The following NOTCH2 variants were observed in gnomAD, a reference collection of about 807,000 sequenced individuals.
NOTCH2 encodes neurogenic locus notch homolog protein 2.
NOTCH2 carries 29 observed loss-of-function variants against 235.8 expected under a neutral mutation model. That is an observed-to-expected ratio of 0.12 (90% CI 0.09 to 0.17). The LOEUF is 0.17. Ranked by LOEUF, NOTCH2 falls within the 10% of genes least tolerant of loss-of-function variation. NOTCH2 has a pLI of 1.00. For missense variants in NOTCH2, 2,285 were observed against 3,150.2 expected, an observed-to-expected ratio of 0.73 and a Z score of 6.57; for synonymous variants, 1,086 against 1,141.5, an observed-to-expected ratio of 0.95 and a Z score of 0.98.
At chr1:120,007,036 G>GT (rs1386911347) in intron 2 of NOTCH2, among the ~76,000 whole-genome samples, 1 of 152,190 alleles carries the variant, frequency 6.6e-6, no homozygotes, top group Non-Finnish European at 1.5e-5. Context: ...TGGTAGTGAG[G>GT]TAACTGGCCA....
chr1:119,963,453 T>G, intron 11 of NOTCH2, 121 bp downstream of exon 11: 1 of 951,922 alleles, frequency 1.1e-6, no homozygotes, highest in Non-Finnish European at 1.7e-6. Flanking sequence ...TTGGCTGTGC[T>G]TCTCAGAATC....
chr1:120,011,742 C>A (rs55837584), intron 2 of NOTCH2, among the ~76,000 whole-genome samples: 2 of 147,852 alleles, frequency 1.4e-5, no homozygotes, highest in African/African-American at 2.6e-5. Context: ...CTAGGCCGGG[C>A]GCGGTGGCTC....
intron 4 of NOTCH2, chr1:119,995,647 T>C (rs1358211648): frequency 6.6e-6 from 1 of 152,238 alleles, no homozygotes; most frequent in Admixed American, 6.5e-5. Flanking sequence ...ACTTATTTAG[T>C]ATCTAGAATG....
At chr1:120,062,884 T>C (rs1212193473) in intron 1 of NOTCH2, among the ~76,000 whole-genome samples, 1 of 152,222 alleles carries the variant, frequency 6.6e-6, no homozygotes, top group Non-Finnish European at 1.5e-5. Context: ...TTTGCTTTTC[T>C]TATTCCAAGC....
In NOTCH2 at chr1:119,937,378, A is replaced by T. The variant is rs1553195861; in HGVS notation, c.3426T>A (p.Thr1142=). 1 of 1,614,138 alleles carries T rather than the reference A, an allele frequency of 6.2e-7. No individual in the cohort carries two copies. Among genetic ancestry groups the T allele is most frequent in the Non-Finnish European group, 8.5e-7 (1 of 1,180,028 alleles). Reference sequence around the variant, plus strand: ...CGAGTTGCTCCTCACAGTAGCTCCCAGTATAGCCCAGGGGGCACTGACAGT... The same window carrying T: ...CGAGTTGCTCCTCACAGTAGCTCCCTGTATAGCCCAGGGGGCACTGACAGT... ...THYCQCPLGY[T]GSYCEEQLDE... The change falls in exon 21 of 34, where the codon ACT becomes ACA. Residue 1142 remains threonine (T), a synonymous_variant. Coordinates refer to ENST00000256646, the MANE Select transcript of NOTCH2 (RefSeq NM_024408.4).
chr1:119,969,471 G>T, intron 6 of NOTCH2, 40 bp downstream of exon 6: 2 of 1,558,420 alleles, frequency 1.3e-6, no homozygotes, highest in South Asian at 1.1e-5. Flanking sequence ...AATGCCCCCT[G>T]CCCCTTCCCT....
In NOTCH2 at chr1:119,995,924, A is replaced by G. The variant is rs1461670187; in HGVS notation, c.751+1073T>C. 3 of 152,470 alleles carry G rather than the reference A, an allele frequency of 2.0e-5. No homozygotes were observed. The East Asian group carries it at 5.8e-4, about 29-fold the overall frequency. 9.4% of individuals were successfully genotyped at this position (152,470 alleles called of 1,614,324 possible). On this transcript the variant is annotated intron_variant, in intron 4 of 33. Transcript: ENST00000256646. The stretch of plus-strand genomic sequence containing the variant: ...TCTCCAAAATAAAACACACAATCCC[A>G]TTATATGTGAACCATATCCACAATA...
intron 1 of NOTCH2, among the ~76,000 whole-genome samples, chr1:120,066,539 T>C (rs1389839629): frequency 6.6e-6 from 1 of 150,498 alleles, no homozygotes; most frequent in Non-Finnish European, 1.5e-5. Flanking sequence ...CAAAATAGAA[T>C]TTCTGTGGGT....
At chr1:120,037,000 G>A (rs1168273763) in intron 1 of NOTCH2, among the ~76,000 whole-genome samples, 1 of 152,084 alleles carries the variant, frequency 6.6e-6, no homozygotes, top group Non-Finnish European at 1.5e-5. Context: ...AGTGTAATCT[G>A]AGCAGCCTTC....
intron 1 of NOTCH2, chr1:120,069,041 A>G (rs1260511203): frequency 1.4e-6 from 2 of 1,424,346 alleles, no homozygotes; most frequent in East Asian, 2.8e-5. Flanking sequence ...GCACCCTGGC[A>G]CTACGAAAAA....
At chr1:119,975,819 A>G (rs1232022377) in intron 5 of NOTCH2, among the ~76,000 whole-genome samples, 6 of 152,198 alleles carry the variant, frequency 3.9e-5, no homozygotes, top group South Asian at 2.1e-4. Context: ...TGTAACACGC[A>G]GGGACACAAA....
At chr1:119,959,342 C>A (rs1557822372) in intron 12 of NOTCH2, 50 bp downstream of exon 12, 2 of 986,752 alleles carry the variant, frequency 2.0e-6, no homozygotes, top group South Asian at 1.3e-5. Flanking sequence ...ATGCTATATT[C>A]CCAAAGTGAT....
chr1:119,969,774 G>A (rs1553200158), intron 5 of NOTCH2, 30 bp from the exon 6 acceptor site: 3 of 1,587,898 alleles, frequency 1.9e-6, no homozygotes, highest in Non-Finnish European at 2.6e-6. Flanking sequence ...TTTGATTAGG[G>A]CTCTTGAGTC....
intron 3 of NOTCH2, among the ~76,000 whole-genome samples, chr1:120,000,912 C>T (rs1407420645): frequency 6.6e-6 from 1 of 151,882 alleles, no homozygotes; most frequent in African/African-American, 2.4e-5. Flanking sequence ...TGTCCCCACC[C>T]AAATCTCAAC....
At chr1:119,966,599 C>G (rs1313449226) in intron 8 of NOTCH2, 110 bp from the exon 9 acceptor site, 1 of 789,624 alleles carries the variant, frequency 1.3e-6, no homozygotes, top group African/African-American at 1.7e-5. Context: ...ACACACATTT[C>G]TGCAGAGAAA....
intron 3 of NOTCH2, among the ~76,000 whole-genome samples, chr1:119,997,936 T>A (rs1377317021): frequency 1.4e-5 from 2 of 142,570 alleles, no homozygotes; most frequent in African/African-American, 2.8e-5. Flanking sequence ...ATTGTACCAC[T>A]GCACTCCAGC....
chr1:119,919,411 C>T lies in NOTCH2; in HGVS notation c.5682G>A (p.Lys1894=), dbSNP rs367805451. 4 of 1,613,722 alleles carry T rather than the reference C, an allele frequency of 2.5e-6. No individual in the cohort carries two copies. The African/African-American group carries it at 5.3e-5, about 22-fold the overall frequency. ...CATCTGCACCTGCATCCAGGAGACG[C>T]TTGGCAGCATCAGCCCGTGAGTAGC... The part of the protein sequence containing the change: ...AARYSRADAA[K]RLLDAGADAN... The change falls in exon 31 of 34, where the codon AAG becomes AAA. Residue 1894 remains lysine (K), a synonymous_variant. Coordinates refer to ENST00000256646, the MANE Select transcript of NOTCH2 (RefSeq NM_024408.4).
chr1:119,997,253 C>G lies in NOTCH2; in HGVS notation c.495G>C (p.Gln165His). The change falls in exon 4 of 34, where the codon CAG becomes CAC. Residue 165 changes from glutamine (Q) to histidine (H), a missense_variant. Coordinates refer to ENST00000256646, the MANE Select transcript of NOTCH2 (RefSeq NM_024408.4). ...NGSTCTTVAN[Q>H]FSCKCLTGFT... is the part of the protein sequence containing the mutation. ...AGCCTGTGAGGCATTTGCAGGAGAA[C>G]TGGTTGGCCACAGTGGTACAGGTAC... The G allele has an allele frequency of 6.2e-7, 1 of 1,614,008 alleles. No homozygotes were observed. Among genetic ancestry groups the G allele is most frequent in the Non-Finnish European group, 8.5e-7 (1 of 1,179,858 alleles).
rs1404760952 is a variant in NOTCH2, at chr1:120,047,729, A to G, written c.74-17742T>C. 2.6e-4 allele frequency among the ~76,000 whole-genome samples: 38 copies of G among 147,536 alleles called. No individual in the cohort carries two copies. The South Asian group carries it at 3.0e-3, about 12-fold the overall frequency. On this transcript the variant is annotated intron_variant, in intron 1 of 33. Transcript: ENST00000256646. ...TCATCTTGTCTTTGTACTGCCACTG[A>G]CTATTTTTGTGCTCTTGAAAAATTA...
Sources: allele counts gnomAD v4.1 joint callset (sites outside exome capture counted in the v4.1 genomes callset), GRCh38; gene constraint gnomAD v4.1.1; transcripts MANE v1.5; gene names NCBI Gene and HGNC (gene_info 2026-07-23, HGNC 2026-07-21).